The following LRP1B variants were observed in gnomAD, a reference collection of about 807,000 sequenced individuals.
LRP1B encodes LDL receptor related protein 1B, also known as low-density lipoprotein receptor-related protein 1B.
A neutral mutation model predicts 556.6 loss-of-function variants in LRP1B; 217 were observed. The observed-to-expected ratio is 0.39, with a 90% CI of 0.35 to 0.44. LRP1B has a LOEUF of 0.44. Among genes scored for constraint, LRP1B ranks in the 20% least tolerant of loss-of-function variants. The pLI, the probability that LRP1B is intolerant of heterozygous loss-of-function variation, is 1.00. For synonymous variants in LRP1B, 2,047 were observed against 1,865.8 expected, an observed-to-expected ratio of 1.10 and a Z score of -2.50; for missense variants, 5,053 against 5,620.8, an observed-to-expected ratio of 0.90 and a Z score of 3.23.
At chr2:140,269,009 T>C (rs530258794) in intron 86 of LRP1B, among the ~76,000 whole-genome samples, 6 of 152,162 alleles carry the variant, frequency 3.9e-5, no homozygotes, top group African/African-American at 1.4e-4. Context: ...AAAGCTACTA[T>C]TTTCTAGCAA....
intron 2 of LRP1B, among the ~76,000 whole-genome samples, chr2:141,610,323 A>ATTATT (rs143503631): frequency 8.2e-5 from 10 of 122,674 alleles, no homozygotes; most frequent in East Asian, 2.4e-4. Flanking sequence ...CTTAAAGTAT[A>ATTATT]ATAATAATAA....
intron 6 of LRP1B, among the ~76,000 whole-genome samples, chr2:141,213,260 C>G (rs1682646923): frequency 6.6e-6 from 1 of 152,010 alleles, no homozygotes; most frequent in Non-Finnish European, 1.5e-5. Context: ...CAAAACACTT[C>G]TAATGTTAAA....
chr2:140,818,336 G>C (rs1691200235), intron 31 of LRP1B, among the ~76,000 whole-genome samples: 1 of 151,956 alleles, frequency 6.6e-6, no homozygotes, highest in Non-Finnish European at 1.5e-5. Context: ...TCTACTTCTG[G>C]GACTGTGAAA....
At chr2:141,318,925 A>T (rs1238669492) in intron 3 of LRP1B, among the ~76,000 whole-genome samples, 1 of 152,138 alleles carries the variant, frequency 6.6e-6, no homozygotes, top group Non-Finnish European at 1.5e-5. Context: ...TATATTCATT[A>T]GAATCCCGAG....
At chr2:140,550,413 A>T (rs929494605) in intron 43 of LRP1B, among the ~76,000 whole-genome samples, 3 of 152,166 alleles carry the variant, frequency 2.0e-5, no homozygotes, top group Non-Finnish European at 4.4e-5. Context: ...AAAAAAGCAA[A>T]TATCCCCAAA....
rs573257642 is a variant in LRP1B at position 142,099,846 on chromosome 2, G to A, written c.82+30802C>T. On this transcript the variant is annotated intron_variant, in intron 1 of 90. Coordinates refer to ENST00000389484, the MANE Select transcript of LRP1B (RefSeq NM_018557.3). ...ATTTTAAAATTCTAAATTTCCCATA[G>A]CATTTAAATTACCCATAGTAAAAAG... Among the ~76,000 whole-genome samples, 24 of 151,946 alleles carry A rather than the reference G, an allele frequency of 1.6e-4. 1 individual carries two copies. The South Asian group carries it at 4.8e-3, about 30-fold the overall frequency.
intron 82 of LRP1B, among the ~76,000 whole-genome samples, chr2:140,321,135 T>TTATACCTA (rs944911339): frequency 2.0e-5 from 3 of 152,070 alleles, no homozygotes; most frequent in Non-Finnish European, 2.9e-5. Context: ...ATTTTCCCCA[T>TTATACCTA]TATACCTAAT....
At chr2:140,705,326 C>A (rs1686790923) in intron 37 of LRP1B, among the ~76,000 whole-genome samples, 1 of 151,754 alleles carries the variant, frequency 6.6e-6, no homozygotes. Flanking sequence ...GAGTTTGAGA[C>A]AAGCCTGGCC....
intron 12 of LRP1B, among the ~76,000 whole-genome samples, chr2:141,019,018 C>A (rs961912780): frequency 1.3e-5 from 2 of 151,856 alleles, no homozygotes; most frequent in African/African-American, 4.8e-5. Context: ...TGTCTTGAAA[C>A]AATAATATGT....
At chr2:141,464,653 C>G (rs1178927842) in intron 3 of LRP1B, among the ~76,000 whole-genome samples, 1 of 142,846 alleles carries the variant, frequency 7.0e-6, no homozygotes, top group East Asian at 2.1e-4. Context: ...AGGATGGTCT[C>G]TATCTCCTGA....
intron 1 of LRP1B, among the ~76,000 whole-genome samples, chr2:141,958,018 A>G (rs769801332): frequency 2.2e-4 from 34 of 152,172 alleles, no homozygotes; most frequent in African/African-American, 5.5e-4. Context: ...TGTAATCTCA[A>G]TCCTGACTCA....
At chr2:140,379,463 G>A (rs1159062472) in intron 67 of LRP1B, among the ~76,000 whole-genome samples, 1 of 152,144 alleles carries the variant, frequency 6.6e-6, no homozygotes, top group East Asian at 1.9e-4. Flanking sequence ...GGGAGGCCGA[G>A]GCGGGCAGAT....
At chr2:141,473,090 T>A (rs1682540788) in intron 3 of LRP1B, among the ~76,000 whole-genome samples, 1 of 152,188 alleles carries the variant, frequency 6.6e-6, no homozygotes, top group Non-Finnish European at 1.5e-5. Flanking sequence ...TTTTTAAACT[T>A]GAATTCTAAG....
chr2:141,528,749 T>C (rs1684778022), intron 2 of LRP1B, among the ~76,000 whole-genome samples: 1 of 152,142 alleles, frequency 6.6e-6, no homozygotes, highest in South Asian at 2.1e-4. Flanking sequence ...TAAGTACATC[T>C]AGAAGCCCTG....
At chr2:141,823,561 G>C (rs1696825188) in intron 1 of LRP1B, among the ~76,000 whole-genome samples, 2 of 152,158 alleles carry the variant, frequency 1.3e-5, no homozygotes, top group Admixed American at 6.5e-5. Flanking sequence ...AGCTGATTAG[G>C]TGGAGGATAG....
At chr2:141,196,466 T>C (rs1395628015) in intron 6 of LRP1B, among the ~76,000 whole-genome samples, 1 of 152,052 alleles carries the variant, frequency 6.6e-6, no homozygotes, top group East Asian at 1.9e-4. Flanking sequence ...CCTCCCACAA[T>C]CTAATTTTCA....
chr2:140,902,655 A>G (rs1694138089), intron 23 of LRP1B, among the ~76,000 whole-genome samples: 1 of 152,198 alleles, frequency 6.6e-6, no homozygotes, highest in Non-Finnish European at 1.5e-5. Context: ...CTATGCAAAA[A>G]CGAGCCCATC....
At chr2:141,863,587 T>G (rs1698318377) in intron 1 of LRP1B, among the ~76,000 whole-genome samples, 1 of 152,204 alleles carries the variant, frequency 6.6e-6, no homozygotes, top group Non-Finnish European at 1.5e-5. Flanking sequence ...TTATTTTTTG[T>G]GACAGGAGAT....
intron 1 of LRP1B, among the ~76,000 whole-genome samples, chr2:142,045,624 TAATC>T (rs1479808512): frequency 6.6e-6 from 1 of 151,952 alleles, no homozygotes; most frequent in Non-Finnish European, 1.5e-5. Context: ...ACTATTATAA[TAATC>T]AATTTCTGAC....
Sources: allele counts gnomAD v4.1 joint callset (sites outside exome capture counted in the v4.1 genomes callset), GRCh38; gene constraint gnomAD v4.1.1; transcripts MANE v1.5; gene names NCBI Gene and HGNC (gene_info 2026-07-23, HGNC 2026-07-21).